Variants in CD48 observed in about 807,000 individuals in gnomAD.
CD48 encodes CD48 antigen.
A neutral mutation model predicts 22.0 loss-of-function variants in CD48; 20 were observed. That is an observed-to-expected ratio of 0.91 (90% CI 0.64 to 1.32). CD48 has a LOEUF of 1.32. CD48 is among the 40% of genes most tolerant of loss of function. CD48 has a pLI of 0.00. For missense variants in CD48, 307 were observed against 286.5 expected (o/e 1.07, Z -0.52); for synonymous variants, 110 against 110.1 (o/e 1.00, Z 0.01).
rs11577973 is a variant in CD48, at chr1:160,701,905, G to A, written c.82+9777C>T. ...CCCTCAAACTTTTTTCCTTGAATGT[G>A]TATGATGCAGGTGGGCCGTTGTTTA... On this transcript the variant is annotated intron_variant, in intron 1 of 3. Coordinates refer to ENST00000368046, the MANE Select transcript of CD48 (RefSeq NM_001778.4). 8.8e-3 allele frequency among the ~76,000 whole-genome samples: 1,341 copies of A among 152,228 alleles called. 7 individuals are homozygous for A. Among genetic ancestry groups the A allele is most frequent in the Middle Eastern group, 0.02 (6 of 294 alleles).
At chr1:160,703,130 A>G (rs977692316) in intron 1 of CD48, among the ~76,000 whole-genome samples, 16 of 152,182 alleles carry the variant, frequency 1.1e-4, no homozygotes, top group African/African-American at 3.9e-4. Flanking sequence ...CTGTGAGCTG[A>G]GCCTGAGTAA....
At chr1:160,680,245 T>C (rs1037498632) in intron 3 of CD48, among the ~76,000 whole-genome samples, 1 of 152,126 alleles carries the variant, frequency 6.6e-6, no homozygotes, top group Non-Finnish European at 1.5e-5. Context: ...GACTTCAGGA[T>C]TGTGGAGGGT....
chr1:160,690,955 C>T (rs1381389998), intron 1 of CD48, among the ~76,000 whole-genome samples: 1 of 152,172 alleles, frequency 6.6e-6, no homozygotes, highest in Non-Finnish European at 1.5e-5. Context: ...CTGTGTCAAA[C>T]TCAGGGTTAA....
intron 1 of CD48, among the ~76,000 whole-genome samples, chr1:160,698,073 C>T (rs1662494990): frequency 6.6e-6 from 1 of 152,284 alleles, no homozygotes; most frequent in South Asian, 2.1e-4. Flanking sequence ...ACTTTAGAAA[C>T]AAGATATCGT....
intron 1 of CD48, among the ~76,000 whole-genome samples, chr1:160,693,265 T>A (rs1214542852): frequency 6.6e-6 from 1 of 152,276 alleles, no homozygotes; most frequent in African/African-American, 2.4e-5. Flanking sequence ...GGCTCCAAGA[T>A]GTTGCTCAAA....
intron 1 of CD48, chr1:160,691,633 G>A (rs1662222682): frequency 1.0e-5 from 2 of 197,458 alleles, no homozygotes; most frequent in South Asian, 1.9e-4. Context: ...CTGAACGTTG[G>A]TTCCCCGGGC....
intron 1 of CD48, among the ~76,000 whole-genome samples, chr1:160,709,738 G>A (rs1168739928): frequency 6.6e-6 from 1 of 152,154 alleles, no homozygotes; most frequent in African/African-American, 2.4e-5. Context: ...GGAAGATATG[G>A]ATGTGTAGTC....
chr1:160,703,983 A>T (rs1662714967), intron 1 of CD48, among the ~76,000 whole-genome samples: 1 of 152,178 alleles, frequency 6.6e-6, no homozygotes, highest in Non-Finnish European at 1.5e-5. Flanking sequence ...GAGAGTAGAT[A>T]CATTTTAGCT....
chr1:160,698,281 A>T (rs1236018152), intron 1 of CD48, among the ~76,000 whole-genome samples: 1 of 152,188 alleles, frequency 6.6e-6, no homozygotes, highest in Non-Finnish European at 1.5e-5. Flanking sequence ...TGGTGAGAGC[A>T]AGAGAAGGCA....
At chr1:160,688,026 G>T (rs565248205) in intron 1 of CD48, among the ~76,000 whole-genome samples, 3 of 152,160 alleles carry the variant, frequency 2.0e-5, no homozygotes, top group Admixed American at 2.0e-4. Context: ...TATTCCAATC[G>T]CACTGCATTT....
chr1:160,694,553 C>A (rs546829521), intron 1 of CD48, among the ~76,000 whole-genome samples: 42 of 152,210 alleles, frequency 2.8e-4, no homozygotes, highest in African/African-American at 9.2e-4. Context: ...TTCAATTCCT[C>A]TTAATCTGTG....
intron 1 of CD48, among the ~76,000 whole-genome samples, chr1:160,704,206 G>A (rs34545274): frequency 0.13 from 19,818 of 152,150 alleles, 1,426 homozygotes; most frequent in African/African-American, 0.18. Context: ...GGATGGCCCT[G>A]GAGGAGCCCT....
chr1:160,696,362 T>G (rs1198689479), intron 1 of CD48, among the ~76,000 whole-genome samples: 2 of 152,298 alleles, frequency 1.3e-5, no homozygotes, highest in Non-Finnish European at 2.9e-5. Context: ...TTCAATTTAT[T>G]ACAACAAACT....
chr1:160,683,188 T>A (rs1224537178), intron 2 of CD48, among the ~76,000 whole-genome samples: 1 of 152,232 alleles, frequency 6.6e-6, no homozygotes, highest in Admixed American at 6.5e-5. Flanking sequence ...TATCTTACAC[T>A]CCTTCTGCAT....
At chr1:160,696,372 T>C (rs1247594737) in intron 1 of CD48, among the ~76,000 whole-genome samples, 2 of 152,260 alleles carry the variant, frequency 1.3e-5, no homozygotes, top group African/African-American at 2.4e-5. Context: ...TACAACAAAC[T>C]GTAAGAAAAA....
intron 1 of CD48, among the ~76,000 whole-genome samples, chr1:160,688,166 G>T (rs1300594206): frequency 6.6e-6 from 1 of 152,174 alleles, no homozygotes; most frequent in East Asian, 1.9e-4. Flanking sequence ...GAATTGGCTT[G>T]CCAATCATTA....
chr1:160,690,809 G>T (rs931998194), intron 1 of CD48, among the ~76,000 whole-genome samples: 2 of 152,266 alleles, frequency 1.3e-5, no homozygotes, highest in Middle Eastern at 6.8e-3. Context: ...AGAGAGGTCA[G>T]ATTGTTACTG....
At chr1:160,698,658 C>T (rs1040798720) in intron 1 of CD48, among the ~76,000 whole-genome samples, 9 of 152,116 alleles carry the variant, frequency 5.9e-5, no homozygotes, top group Admixed American at 4.6e-4. Context: ...GACTGGAATA[C>T]GTCAGATTTT....
chr1:160,704,478 A>C (rs34154650), intron 1 of CD48, among the ~76,000 whole-genome samples: 40,925 of 152,160 alleles, frequency 0.27, 6,276 homozygotes, highest in Non-Finnish European at 0.36. Flanking sequence ...GCATCCAGGA[A>C]TATTCTTGCT....
Sources: allele counts gnomAD v4.1 joint callset (sites outside exome capture counted in the v4.1 genomes callset), GRCh38; gene constraint gnomAD v4.1.1; transcripts MANE v1.5; gene names NCBI Gene and HGNC (gene_info 2026-07-23, HGNC 2026-07-21).